The following LOC128462377 variants were observed in gnomAD, a reference collection of about 807,000 sequenced individuals.
chr16:89,388,506 G>A, the LOC128462377 span, among the ~76,000 whole-genome samples: 2 of 151,954 alleles, frequency 1.3e-5, no homozygotes, highest in East Asian at 3.9e-4. Context: ...TCCCTGTGGT[G>A]CTGTCGAACG....
At chr16:89,326,786 A>G in the LOC128462377 span, among the ~76,000 whole-genome samples, 1 of 152,168 alleles carries the variant, frequency 6.6e-6, no homozygotes, top group East Asian at 1.9e-4. Flanking sequence ...CCGGGGCATG[A>G]AAAAGTGCTT....
the LOC128462377 span, among the ~76,000 whole-genome samples, chr16:89,354,668 A>C: frequency 2.0e-5 from 3 of 152,308 alleles, no homozygotes; most frequent in East Asian, 5.8e-4. Flanking sequence ...AATCACCTGA[A>C]GTCAGGAGTT....
chr16:89,336,103 C>T, the LOC128462377 span, among the ~76,000 whole-genome samples: 20 of 152,220 alleles, frequency 1.3e-4, no homozygotes, highest in African/African-American at 1.9e-4. Context: ...ATTTGCTGAT[C>T]GTTTTCAGCC....
the LOC128462377 span, among the ~76,000 whole-genome samples, chr16:89,330,696 G>T: frequency 8.7e-6 from 1 of 115,034 alleles, no homozygotes; most frequent in African/African-American, 3.4e-5. Context: ...GGAAGCTGCA[G>T]CATCTCTTGT....
At chr16:89,341,589 C>A in the LOC128462377 span, among the ~76,000 whole-genome samples, 1 of 152,194 alleles carries the variant, frequency 6.6e-6, no homozygotes. Flanking sequence ...GATTAAAGGA[C>A]CACCCACTGC....
the LOC128462377 span, among the ~76,000 whole-genome samples, chr16:89,405,934 GC>G: frequency 7.9e-5 from 12 of 151,892 alleles, no homozygotes; most frequent in Admixed American, 3.3e-4. Flanking sequence ...ACATGGTAAA[GC>G]CCCGTCTCTA....
chr16:89,336,909 C>A, the LOC128462377 span, among the ~76,000 whole-genome samples: 2 of 150,038 alleles, frequency 1.3e-5, no homozygotes, highest in East Asian at 3.9e-4. Context: ...GTGGCTCATG[C>A]CTGTAATCCT....
chr16:89,344,301 T>G, the LOC128462377 span, among the ~76,000 whole-genome samples: 1 of 152,156 alleles, frequency 6.6e-6, no homozygotes, highest in African/African-American at 2.4e-5. Flanking sequence ...AGCTAACAGA[T>G]GGTATTATTT....
chr16:89,368,624 A>G, the LOC128462377 span, among the ~76,000 whole-genome samples: 30 of 149,432 alleles, frequency 2.0e-4, no homozygotes, highest in East Asian at 1.4e-3. Flanking sequence ...AAAAAAAAAA[A>G]GGGCTGGGTG....
chr16:89,318,128 C>A, the LOC128462377 span, among the ~76,000 whole-genome samples: 11 of 152,340 alleles, frequency 7.2e-5, no homozygotes, highest in Non-Finnish European at 1.3e-4. Context: ...TGTGAGGCTG[C>A]CCCTCTGCGA....
At chr16:89,363,899 GA>G in the LOC128462377 span, among the ~76,000 whole-genome samples, 3,186 of 149,336 alleles carry the variant, frequency 0.021, 126 homozygotes, top group African/African-American at 0.075. Flanking sequence ...CTACAAAAAA[GA>G]AAAAAAAAAT....
chr16:89,409,083 G>C, the LOC128462377 span, among the ~76,000 whole-genome samples: 1 of 152,214 alleles, frequency 6.6e-6, no homozygotes, highest in Admixed American at 6.5e-5. Context: ...GAGCAGCCAA[G>C]GGAAGCTGGG....
chr16:89,389,337 G>A, the LOC128462377 span, among the ~76,000 whole-genome samples: 8 of 151,914 alleles, frequency 5.3e-5, no homozygotes, highest in Non-Finnish European at 1.2e-4. Context: ...CAACTTTGCT[G>A]TAAACCTAAA....
chr16:89,368,377 T>C, the LOC128462377 span, among the ~76,000 whole-genome samples: 2 of 126,844 alleles, frequency 1.6e-5, no homozygotes, highest in Non-Finnish European at 3.3e-5. Context: ...TTGTGTTTTT[T>C]TTTTTTTTTT....
the LOC128462377 span, among the ~76,000 whole-genome samples, chr16:89,393,898 A>C: frequency 6.6e-6 from 1 of 152,230 alleles, no homozygotes; most frequent in Non-Finnish European, 1.5e-5. Context: ...AAAAAACAAA[A>C]GCCAAAAAGT....
At chr16:89,412,720 C>G in the LOC128462377 span, among the ~76,000 whole-genome samples, 2 of 152,068 alleles carry the variant, frequency 1.3e-5, no homozygotes, top group Non-Finnish European at 2.9e-5. Flanking sequence ...GAAAAAATTC[C>G]CTTAAGCCAG....
At chr16:89,379,536 G>C in the LOC128462377 span, among the ~76,000 whole-genome samples, 1 of 152,202 alleles carries the variant, frequency 6.6e-6, no homozygotes, top group Non-Finnish European at 1.5e-5. Context: ...CGCCCAGACA[G>C]AGCTCAGTCA....
the LOC128462377 span, among the ~76,000 whole-genome samples, chr16:89,326,639 G>T: frequency 2.0e-5 from 3 of 152,162 alleles, no homozygotes; most frequent in Non-Finnish European, 4.4e-5. Context: ...CTCCTTGGGA[G>T]CCTGAGGCAG....
chr16:89,337,630 T>C, the LOC128462377 span, among the ~76,000 whole-genome samples: 92,650 of 151,102 alleles, frequency 0.61, 28,801 homozygotes, highest in Middle Eastern at 0.75. Context: ...ATAGTAGAGA[T>C]GGGGTTTCAC....
Sources: allele counts gnomAD v4.1 joint callset (sites outside exome capture counted in the v4.1 genomes callset), GRCh38; gene constraint gnomAD v4.1.1; transcripts MANE v1.5.